LRRC72: variants seen among roughly 807,000 people sequenced by gnomAD.
LRRC72 encodes leucine-rich repeat-containing protein 72.
LRRC72 carries 41 observed loss-of-function variants against 35.8 expected under a neutral mutation model. The ratio of observed to expected loss-of-function variants is 1.15; its 90% CI spans 0.89 to 1.49. The LOEUF (loss-of-function observed/expected upper bound fraction) is 1.49. Ranked by LOEUF, LRRC72 falls within the 40% of genes most tolerant of loss-of-function variation. The pLI is 0.00. For synonymous variants in LRRC72, 118 were observed against 119.2 expected (o/e 0.99, Z 0.07); for missense variants, 389 against 330.7 (o/e 1.18, Z -1.37).
At chr7:16,577,119 C>T (rs1465604131) in intron 7 of LRRC72, among the ~76,000 whole-genome samples, 4 of 152,146 alleles carry the variant, frequency 2.6e-5, no homozygotes, top group South Asian at 4.1e-4. Context: ...GCTACCTATG[C>T]ATGAAGGTTC....
In LRRC72 at chr7:16,567,471, G is replaced by A. The variant is rs201481861; in HGVS notation, c.598G>A (p.Gly200Arg). The change falls in exon 7 of 9, where the codon GGA (glycine) becomes AGA (arginine). Residue 200 changes from glycine (G) to arginine (R), a missense_variant. Physicochemically the swap from Gly to Arg is moderately radical, Grantham distance 125. Transcript: ENST00000401542. ...KAHIVQSIAF[G>R]GKVDASWDPK... is the part of the protein sequence containing the mutation. ...TCATATCGTTCAATCAATAGCATTC[G>A]GAGGAAAAGTGGATGCTTCATGGGA... 1.8e-4 allele frequency: 282 copies of A among 1,532,474 alleles called. No individual in the cohort carries two copies. Among genetic ancestry groups the A allele is most frequent in the Non-Finnish European group, 2.2e-4 (251 of 1,137,738 alleles). The allele number at this position is 1,532,474 out of a possible 1,614,324, so 94.9% of individuals were successfully genotyped here.
In LRRC72 at chr7:16,553,123, C is replaced by G. The variant is rs116645150; in HGVS notation, c.235-4237C>G. On this transcript the variant is annotated intron_variant, in intron 3 of 8. Transcript: ENST00000401542. ...AAAATTTTTGGATGCATTTTAGACA[C>G]CTTTTGGGGCTATTGTTGAAATACT... is the stretch of plus-strand genomic sequence containing the variant. Among the ~76,000 whole-genome samples the G allele has an allele frequency of 1.4e-3, 209 of 152,242 alleles. 1 individual carries two copies. Among genetic ancestry groups the G allele is most frequent in the African/African-American group, 4.8e-3 (200 of 41,522 alleles).
At chr7:16,569,641 G>T (rs977157079) in intron 7 of LRRC72, among the ~76,000 whole-genome samples, 1 of 152,086 alleles carries the variant, frequency 6.6e-6, no homozygotes, top group Non-Finnish European at 1.5e-5. Context: ...GAATTTATTT[G>T]GGAGTAAGCA....
Position 16,581,332 on chromosome 7 carries a change from TTGA to T in LRRC72, c.711_713del (p.Asp238del). 1 of 1,507,190 alleles carries T rather than the reference TTGA, an allele frequency of 6.6e-7. No homozygotes were observed. The highest frequency in any genetic ancestry group is 8.9e-7 in the Non-Finnish European group (1 of 1,125,462). 93.4% of individuals were successfully genotyped at this position (1,507,190 alleles called of 1,614,324 possible). On this transcript the variant is annotated inframe_deletion, in exon 9 of 9. Coordinates refer to ENST00000401542, the MANE Select transcript of LRRC72 (RefSeq NM_001195280.2). Reference sequence around the variant, plus strand: ...TTGCTTTTTTTTTGCAGAACTGTGCTTGATGACCCAGAAGATGCTGTTTTTGTG... The same window carrying T: ...TTGCTTTTTTTTTGCAGAACTGTGCTTGACCCAGAAGATGCTGTTTTTGTG...
At chr7:16,529,575 A>G (rs1404423974) in intron 1 of LRRC72, among the ~76,000 whole-genome samples, 1 of 152,184 alleles carries the variant, frequency 6.6e-6, no homozygotes, top group Non-Finnish European at 1.5e-5. Flanking sequence ...TTCACTGGGA[A>G]CTGGAATTGT....
Position 16,581,312 on chromosome 7 carries a change from T to TC in LRRC72, c.699-12_699-11insC, listed in dbSNP as rs1404998329. On this transcript the variant is annotated splice_polypyrimidine_tract_variant and intron_variant, in intron 8 of 8. Transcript: ENST00000401542. ...TTGCTTTTTTTCTGACATAATTGCT[T>TC]TTTTTTTGCAGAACTGTGCTTGATG... 7.0e-7 allele frequency: 1 copy of TC among 1,426,696 alleles called. No homozygotes were observed. The highest frequency in any genetic ancestry group is 9.2e-7 in the Non-Finnish European group (1 of 1,083,146). The allele number at this position is 1,426,696 out of a possible 1,614,324, so 88.4% of individuals were successfully genotyped here.
At chr7:16,530,438 A>T (rs1007642839) in intron 1 of LRRC72, 10 of 152,184 alleles carry the variant, frequency 6.6e-5, no homozygotes, top group African/African-American at 2.4e-4. Context: ...TTGTTTACTC[A>T]GTCCACTAAT....
intron 2 of LRRC72, among the ~76,000 whole-genome samples, chr7:16,535,763 G>A (rs770010820): frequency 2.4e-4 from 36 of 152,312 alleles, no homozygotes; most frequent in African/African-American, 8.2e-4. Flanking sequence ...AGAAGTAGAC[G>A]TGATCTTCCT....
At position 16,542,900 on chromosome 7, in the gene LRRC72, T is replaced by C. The variant is rs185666380; in HGVS notation, c.234+5204T>C. On this transcript the variant is annotated intron_variant, in intron 3 of 8. Transcript: ENST00000401542. The stretch of plus-strand genomic sequence containing the variant: ...TTTCCTTTCACATTTCTAAAATCAC[T>C]ATCACTTAATTTGTTCTTTATGAAA... Among the ~76,000 whole-genome samples the C allele has an allele frequency of 2.5e-3, 385 of 152,352 alleles. 2 individuals carry two copies. Among genetic ancestry groups the C allele is most frequent in the African/African-American group, 8.9e-3 (368 of 41,576 alleles).
intron 3 of LRRC72, among the ~76,000 whole-genome samples, chr7:16,549,496 G>T (rs1248781958): frequency 1.3e-5 from 2 of 152,154 alleles, no homozygotes; most frequent in East Asian, 3.9e-4. Flanking sequence ...TACTGCTGGT[G>T]TCACCAGCAC....
At chr7:16,539,379 A>C (rs1326191870) in intron 3 of LRRC72, among the ~76,000 whole-genome samples, 1 of 152,232 alleles carries the variant, frequency 6.6e-6, no homozygotes, top group Non-Finnish European at 1.5e-5. Context: ...AAAGTGTTCA[A>C]GACATAACCT....
chr7:16,561,580 A>G (rs1782744231), intron 5 of LRRC72, among the ~76,000 whole-genome samples: 2 of 152,168 alleles, frequency 1.3e-5, no homozygotes, highest in African/African-American at 2.4e-5. Flanking sequence ...ACAATAGTTT[A>G]CGACCACTAC....
chr7:16,573,660 G>T (rs1044744358), intron 7 of LRRC72, among the ~76,000 whole-genome samples: 1 of 152,004 alleles, frequency 6.6e-6, no homozygotes, highest in African/African-American at 2.4e-5. Context: ...AACTCAAGAT[G>T]GATTAGAGAC....
At chr7:16,557,790 T>C (rs780361477) in intron 4 of LRRC72, among the ~76,000 whole-genome samples, 2 of 152,210 alleles carry the variant, frequency 1.3e-5, no homozygotes, top group Non-Finnish European at 2.9e-5. Flanking sequence ...GGCTATATGT[T>C]CTACCAGCCA....
intron 3 of LRRC72, among the ~76,000 whole-genome samples, chr7:16,551,767 TAA>T (rs34443112): frequency 4.3e-5 from 6 of 139,754 alleles, no homozygotes; most frequent in African/African-American, 7.9e-5. Context: ...TATCCTTTAT[TAA>T]AAAAAAAAAA....
intron 5 of LRRC72, among the ~76,000 whole-genome samples, chr7:16,565,940 T>C (rs563595249): frequency 1.3e-5 from 2 of 152,254 alleles, no homozygotes; most frequent in South Asian, 4.1e-4. Context: ...CCAAGTGATA[T>C]TTTAATAAAA....
At chr7:16,547,391 C>T (rs1583640911) in intron 3 of LRRC72, among the ~76,000 whole-genome samples, 1 of 152,064 alleles carries the variant, frequency 6.6e-6, no homozygotes, top group East Asian at 1.9e-4. Context: ...GCTCCCCAGG[C>T]ACAACTACAG....
chr7:16,543,490 C>T (rs1562740719), intron 3 of LRRC72, among the ~76,000 whole-genome samples: 1 of 152,092 alleles, frequency 6.6e-6, no homozygotes, highest in Admixed American at 6.6e-5. Flanking sequence ...GTTGTCCATT[C>T]GTGTCTATTC....
At chr7:16,544,005 C>A (rs1316323282) in intron 3 of LRRC72, among the ~76,000 whole-genome samples, 4 of 152,174 alleles carry the variant, frequency 2.6e-5, no homozygotes, top group Non-Finnish European at 4.4e-5. Context: ...TATAGCTTAT[C>A]CTGTACTTGC....
Sources: gnomAD v4.1 joint callset for allele counts (sites outside exome capture counted in the v4.1 genomes callset) on GRCh38, gnomAD v4.1.1 for gene constraint, MANE v1.5 for transcripts, NCBI Gene and HGNC (gene_info 2026-07-23, HGNC 2026-07-21) for gene names.